HPSE2: variants seen among roughly 807,000 people sequenced by gnomAD.
HPSE2 encodes inactive heparanase-2.
HPSE2 carries 38 observed loss-of-function variants against 60.5 expected under a neutral mutation model. The ratio of observed to expected loss-of-function variants is 0.63; its 90% CI spans 0.48 to 0.82. The LOEUF is 0.82. HPSE2 is among the 40% of genes least tolerant of loss of function. The probability of loss-of-function intolerance (pLI) is 0.00; values close to 1 mark genes in which losing one functional copy is unlikely to be tolerated. For synonymous variants in HPSE2, 295 were observed against 293.2 expected, an observed-to-expected ratio of 1.01 and a Z score of -0.06; for missense variants, 713 against 740.4, an observed-to-expected ratio of 0.96 and a Z score of 0.43.
intron 3 of HPSE2, among the ~76,000 whole-genome samples, chr10:98,911,772 G>C (rs1953985922): frequency 6.6e-6 from 1 of 152,140 alleles, no homozygotes; most frequent in Non-Finnish European, 1.5e-5. Context: ...TCACTGGAAA[G>C]AAATAGCAAT....
the HPSE2 span, among the ~76,000 whole-genome samples, chr10:99,276,018 T>C: frequency 5.9e-5 from 9 of 152,160 alleles, no homozygotes; most frequent in African/African-American, 1.7e-4. Flanking sequence ...TAACTGAAAA[T>C]TTGGTTTTAT....
chr10:98,710,441 T>C (rs1948649131), intron 5 of HPSE2, among the ~76,000 whole-genome samples: 1 of 152,198 alleles, frequency 6.6e-6, no homozygotes, highest in South Asian at 2.1e-4. Context: ...TTGGAGCTTA[T>C]GTTTCCCTTA....
chr10:98,821,298 C>T (rs112967064), intron 3 of HPSE2, among the ~76,000 whole-genome samples: 6 of 152,156 alleles, frequency 3.9e-5, no homozygotes, highest in African/African-American at 1.4e-4. Flanking sequence ...CTTCTACATA[C>T]CTAGTTATAT....
At chr10:98,925,894 CAAG>C (rs1325552561) in intron 3 of HPSE2, among the ~76,000 whole-genome samples, 3 of 152,098 alleles carry the variant, frequency 2.0e-5, no homozygotes, top group Non-Finnish European at 2.9e-5. Flanking sequence ...ATATTAAAGA[CAAG>C]AAGAAAACCC....
At chr10:99,286,041 T>C in the HPSE2 span, among the ~76,000 whole-genome samples, 2 of 152,032 alleles carry the variant, frequency 1.3e-5, no homozygotes, top group African/African-American at 4.8e-5. Flanking sequence ...ATGCACTAGG[T>C]TGGCTATAAC....
chr10:98,543,082 G>A (rs1358091087), intron 9 of HPSE2, among the ~76,000 whole-genome samples: 4 of 152,126 alleles, frequency 2.6e-5, no homozygotes, highest in Non-Finnish European at 5.9e-5. Context: ...CAGAGAGAAA[G>A]GTCGGGTTAC....
intron 3 of HPSE2, among the ~76,000 whole-genome samples, chr10:98,777,226 T>A (rs577913478): frequency 7.2e-5 from 11 of 152,206 alleles, no homozygotes; most frequent in South Asian, 2.1e-4. Flanking sequence ...TTTACTCTCA[T>A]CCCTATCACC....
the HPSE2 span, among the ~76,000 whole-genome samples, chr10:99,304,328 C>T: frequency 6.6e-6 from 1 of 152,206 alleles, no homozygotes; most frequent in East Asian, 1.9e-4. Context: ...TGAACTGCCC[C>T]TTAATCTGCA....
chr10:98,791,763 T>C (rs907976667), intron 3 of HPSE2, among the ~76,000 whole-genome samples: 2 of 152,298 alleles, frequency 1.3e-5, no homozygotes, highest in East Asian at 1.9e-4. Flanking sequence ...TAAAGGTCTA[T>C]AGAGAACATA....
At chr10:99,132,266 A>C (rs2135742307) in intron 3 of HPSE2, among the ~76,000 whole-genome samples, 1 of 149,778 alleles carries the variant, frequency 6.7e-6, no homozygotes, top group Non-Finnish European at 1.5e-5. Flanking sequence ...AAAGAAAGAA[A>C]GAAAGAAAGA....
the HPSE2 span, among the ~76,000 whole-genome samples, chr10:99,284,336 T>A: frequency 6.6e-6 from 1 of 152,070 alleles, no homozygotes; most frequent in South Asian, 2.1e-4. Flanking sequence ...CAATACCTTC[T>A]CATGATAAAA....
At chr10:98,856,168 T>C (rs1379216994) in intron 3 of HPSE2, among the ~76,000 whole-genome samples, 1 of 152,232 alleles carries the variant, frequency 6.6e-6, no homozygotes, top group African/African-American at 2.4e-5. Flanking sequence ...CTACACATAA[T>C]TGTTGGGCTT....
At position 98,963,798 on chromosome 10, in the gene HPSE2, CATGGAATCATGACTA is replaced by C. The variant is rs1955743332; in HGVS notation, c.610+180425_610+180439del. ...TGGGCATTTCCAATTGAGGATTAGTCATGGAATCATGACTAATGGAATCATGACATGGCTGTGTGG... is the reference window on the plus strand; with the variant it reads ...TGGGCATTTCCAATTGAGGATTAGTCATGGAATCATGACATGGCTGTGTGG... On this transcript the variant is annotated intron_variant, in intron 3 of 11. Coordinates refer to ENST00000370552, the MANE Select transcript of HPSE2 (RefSeq NM_021828.5). Among the ~76,000 whole-genome samples the C allele has an allele frequency of 9.9e-5, 15 of 152,094 alleles. No individual in the cohort carries two copies. In the South Asian group the frequency reaches 2.7e-3, roughly 27 times the overall value.
intron 9 of HPSE2, among the ~76,000 whole-genome samples, chr10:98,562,146 A>T (rs1239851766): frequency 2.6e-5 from 4 of 152,134 alleles, no homozygotes; most frequent in African/African-American, 9.7e-5. Context: ...ATTACATGAC[A>T]GTTGCCTACA....
chr10:99,282,909 G>A, the HPSE2 span, among the ~76,000 whole-genome samples: 2 of 152,182 alleles, frequency 1.3e-5, no homozygotes, highest in African/African-American at 2.4e-5. Context: ...AAGGGGCTGA[G>A]CGTGGTGGCT....
intron 3 of HPSE2, among the ~76,000 whole-genome samples, chr10:99,020,409 T>C (rs1957237031): frequency 6.6e-6 from 1 of 152,182 alleles, no homozygotes; most frequent in African/African-American, 2.4e-5. Flanking sequence ...CATAAGTCTG[T>C]TATGGAATAC....
At chr10:99,288,120 A>G in the HPSE2 span, among the ~76,000 whole-genome samples, 9 of 151,888 alleles carry the variant, frequency 5.9e-5, no homozygotes, top group African/African-American at 2.2e-4. Flanking sequence ...AGTGAAGGAA[A>G]TAAGTTAAGA....
intron 3 of HPSE2, among the ~76,000 whole-genome samples, chr10:99,105,436 T>G (rs1264823260): frequency 6.6e-6 from 1 of 152,104 alleles, no homozygotes; most frequent in Non-Finnish European, 1.5e-5. Flanking sequence ...AGGTTATTTT[T>G]TTTTTCTCTG....
chr10:98,716,395 C>T (rs1948789947), intron 5 of HPSE2, among the ~76,000 whole-genome samples: 1 of 151,312 alleles, frequency 6.6e-6, no homozygotes, highest in African/African-American at 2.4e-5. Flanking sequence ...ATGTAACTAA[C>T]CTGCACAATG....
Sources: gnomAD v4.1 joint callset for allele counts (sites outside exome capture counted in the v4.1 genomes callset) on GRCh38, gnomAD v4.1.1 for gene constraint, MANE v1.5 for transcripts, NCBI Gene and HGNC (gene_info 2026-07-23, HGNC 2026-07-21) for gene names.